The following CSMD1 variants were observed in gnomAD, a reference collection of about 807,000 sequenced individuals.
CSMD1 encodes the protein CUB and Sushi multiple domains 1.
In CSMD1, 213 loss-of-function variants were observed where a neutral mutation model predicts 417.5. That is an observed-to-expected ratio of 0.51 (90% CI 0.46 to 0.57). The LOEUF (loss-of-function observed/expected upper bound fraction) is 0.57, where lower values mean the gene tolerates loss of function less well. Ranked by LOEUF, CSMD1 falls within the 20% of genes least tolerant of loss-of-function variation. The pLI is 0.00. For synonymous variants in CSMD1, 2,862 were observed against 1,736.8 expected (o/e 1.65, Z -16.11); for missense variants, 6,923 against 4,529.7 (o/e 1.53, Z -15.17).
intron 3 of CSMD1, among the ~76,000 whole-genome samples, chr8:4,258,865 C>G (rs1413305120): frequency 6.6e-6 from 1 of 152,160 alleles, no homozygotes; most frequent in African/African-American, 2.4e-5. Flanking sequence ...CTGCAAAAGT[C>G]TCATCTCTAC....
chr8:3,568,885 T>C (rs1252089316), intron 10 of CSMD1, among the ~76,000 whole-genome samples: 1 of 152,080 alleles, frequency 6.6e-6, no homozygotes. Flanking sequence ...CATGATACAT[T>C]TAAACTTTCC....
chr8:4,613,628 C>T (rs143426802), intron 2 of CSMD1, among the ~76,000 whole-genome samples: 22 of 152,180 alleles, frequency 1.4e-4, no homozygotes, highest in East Asian at 5.8e-4. Flanking sequence ...GTGACTTGAG[C>T]GAGGTTTGCC....
chr8:4,807,911 T>C (rs978008380), intron 1 of CSMD1, among the ~76,000 whole-genome samples: 6 of 152,110 alleles, frequency 3.9e-5, no homozygotes, highest in Non-Finnish European at 8.8e-5. Flanking sequence ...AAGTACAAGC[T>C]CTCTTTCTAC....
chr8:4,154,810 G>A (rs535378462), intron 3 of CSMD1, among the ~76,000 whole-genome samples: 3 of 152,148 alleles, frequency 2.0e-5, no homozygotes, highest in East Asian at 1.9e-4. Flanking sequence ...CTGAATGTTG[G>A]AAAGAGAGGC....
chr8:3,912,820 A>G (rs1808551332), intron 5 of CSMD1, among the ~76,000 whole-genome samples: 1 of 152,184 alleles, frequency 6.6e-6, no homozygotes, highest in Non-Finnish European at 1.5e-5. Flanking sequence ...GTAGGATTTT[A>G]TGATTTAAAT....
intron 9 of CSMD1, among the ~76,000 whole-genome samples, chr8:3,579,845 T>C (rs536854690): frequency 1.3e-5 from 2 of 152,352 alleles, no homozygotes; most frequent in East Asian, 3.9e-4. Context: ...GGCTCACGCC[T>C]TTAATTTCAG....
chr8:3,583,496 A>C (rs1413570496), intron 9 of CSMD1, among the ~76,000 whole-genome samples: 2 of 152,042 alleles, frequency 1.3e-5, no homozygotes, highest in Admixed American at 1.3e-4. Flanking sequence ...TGGTTCTGTG[A>C]TTAGGTAGGA....
intron 3 of CSMD1, among the ~76,000 whole-genome samples, chr8:4,068,907 C>G (rs1244291423): frequency 6.6e-6 from 1 of 152,066 alleles, no homozygotes; most frequent in Non-Finnish European, 1.5e-5. Context: ...TTATAATAAC[C>G]AAATAATAAT....
chr8:3,524,622 C>A (rs1052150682), intron 10 of CSMD1, among the ~76,000 whole-genome samples: 42 of 151,766 alleles, frequency 2.8e-4, no homozygotes. Flanking sequence ...CACATACACA[C>A]ATGCACACCC....
At chr8:4,386,118 C>A (rs542364348) in intron 3 of CSMD1, among the ~76,000 whole-genome samples, 3 of 152,158 alleles carry the variant, frequency 2.0e-5, no homozygotes, top group Non-Finnish European at 4.4e-5. Flanking sequence ...GACTTTTACC[C>A]GGGAATTTCA....
intron 11 of CSMD1, among the ~76,000 whole-genome samples, chr8:3,492,972 C>G (rs149053977): frequency 6.6e-6 from 1 of 152,064 alleles, no homozygotes; most frequent in Admixed American, 6.6e-5. Context: ...AATATAACAT[C>G]ACAGGGAAGC....
chr8:4,066,868 T>G (rs59724469), intron 3 of CSMD1, among the ~76,000 whole-genome samples: 4,578 of 152,316 alleles, frequency 0.03, 199 homozygotes, highest in East Asian at 0.16. Flanking sequence ...ACTGCTGATT[T>G]AACACAGCCT....
At chr8:4,350,822 T>G (rs1801047916) in intron 3 of CSMD1, among the ~76,000 whole-genome samples, 1 of 152,206 alleles carries the variant, frequency 6.6e-6, no homozygotes, top group Non-Finnish European at 1.5e-5. Flanking sequence ...AAGATGACTT[T>G]GCTTTCCTTA....
At chr8:4,192,118 T>C (rs1799067221) in intron 3 of CSMD1, among the ~76,000 whole-genome samples, 1 of 152,196 alleles carries the variant, frequency 6.6e-6, no homozygotes, top group Non-Finnish European at 1.5e-5. Flanking sequence ...AAGGATCATC[T>C]GCATTGCAAA....
At chr8:4,750,049 C>G (rs1426444415) in intron 1 of CSMD1, among the ~76,000 whole-genome samples, 2 of 150,728 alleles carry the variant, frequency 1.3e-5, no homozygotes, top group Non-Finnish European at 3.0e-5. Context: ...CTCTGTCGCC[C>G]AGGCTGGAGT....
intron 2 of CSMD1, among the ~76,000 whole-genome samples, chr8:4,445,865 C>CCG (rs1167217936): frequency 6.6e-6 from 1 of 152,182 alleles, no homozygotes; most frequent in Non-Finnish European, 1.5e-5. Flanking sequence ...AAGTGTTCTC[C>CCG]CGCTGGAGAA....
At chr8:3,560,784 T>G (rs1799436387) in intron 10 of CSMD1, among the ~76,000 whole-genome samples, 1 of 152,238 alleles carries the variant, frequency 6.6e-6, no homozygotes, top group South Asian at 2.1e-4. Context: ...CTCCTTGATT[T>G]GACCCTATCG....
intron 41 of CSMD1, among the ~76,000 whole-genome samples, chr8:3,118,810 A>C (rs1248152359): frequency 6.6e-6 from 1 of 152,216 alleles, no homozygotes. Context: ...TGTACTTTAA[A>C]AGGAAAGTAG....
intron 50 of CSMD1, among the ~76,000 whole-genome samples, chr8:3,039,215 C>A (rs376256947): frequency 3.3e-5 from 5 of 151,986 alleles, no homozygotes; most frequent in South Asian, 2.1e-4. Context: ...GAATTTTCAA[C>A]TTCTAGCCTT....
Sources: allele counts gnomAD v4.1 joint callset (sites outside exome capture counted in the v4.1 genomes callset), GRCh38; gene constraint gnomAD v4.1.1; transcripts MANE v1.5; gene names NCBI Gene and HGNC (gene_info 2026-07-23, HGNC 2026-07-21).